Variants in CSGALNACT1 observed in about 807,000 individuals in gnomAD.
CSGALNACT1 encodes chondroitin sulfate N-acetylgalactosaminyltransferase 1.
A neutral mutation model predicts 51.0 loss-of-function variants in CSGALNACT1; 52 were observed. The observed-to-expected ratio is 1.02, with a 90% CI of 0.82 to 1.29. CSGALNACT1 has a LOEUF of 1.29. CSGALNACT1 is among the 50% of genes most tolerant of loss of function. CSGALNACT1 has a pLI of 0.00. For synonymous variants in CSGALNACT1, 341 were observed against 254.4 expected (o/e 1.34, Z -3.24); for missense variants, 935 against 679.2 (o/e 1.38, Z -4.19).
intron 3 of CSGALNACT1, among the ~76,000 whole-genome samples, chr8:19,519,980 C>T (rs1272448885): frequency 6.6e-6 from 1 of 152,222 alleles, no homozygotes; most frequent in Non-Finnish European, 1.5e-5. Context: ...CCCACTGTGG[C>T]AATGCCGGCA....
chr8:19,662,755 G>A (rs909055725), intron 1 of CSGALNACT1, among the ~76,000 whole-genome samples: 1 of 152,144 alleles, frequency 6.6e-6, no homozygotes, highest in Non-Finnish European at 1.5e-5. Flanking sequence ...CACTGGTAAT[G>A]CTCACCTTTG....
intron 4 of CSGALNACT1, among the ~76,000 whole-genome samples, chr8:19,470,977 T>C (rs958322017): frequency 6.6e-6 from 1 of 152,060 alleles, no homozygotes; most frequent in Admixed American, 6.6e-5. Flanking sequence ...GTACCCATCA[T>C]CCCAGCTACT....
In CSGALNACT1 at chr8:19,641,632, G is replaced by A. The variant is rs374067726; in HGVS notation, c.-543-39767C>T. ...AAATGTATGAAACATATTGAAATAC[G>A]AGGGTGAAAACAAAGAAAGAAACAA... On this transcript the variant is annotated intron_variant, in intron 1 of 9. Coordinates refer to the CSGALNACT1 transcript ENST00000332246. 5.3e-5 allele frequency among the ~76,000 whole-genome samples: 8 copies of A among 152,034 alleles called. No individual in the cohort carries two copies. In the East Asian group the frequency reaches 7.7e-4, roughly 15 times the overall value.
At chr8:19,624,146 C>A (rs2154164703) in intron 1 of CSGALNACT1, among the ~76,000 whole-genome samples, 1 of 152,258 alleles carries the variant, frequency 6.6e-6, no homozygotes, top group Middle Eastern at 3.4e-3. Context: ...CTATTTGGAC[C>A]ACCTCTTCAA....
intron 4 of CSGALNACT1, among the ~76,000 whole-genome samples, chr8:19,493,802 T>C (rs1016403279): frequency 1.6e-4 from 24 of 152,138 alleles, no homozygotes; most frequent in African/African-American, 5.8e-4. Flanking sequence ...ACCATGAATA[T>C]TCACATAGGA....
At chr8:19,694,569 A>C (rs150470690) in intron 1 of CSGALNACT1, among the ~76,000 whole-genome samples, 1 of 152,368 alleles carries the variant, frequency 6.6e-6, no homozygotes, top group African/African-American at 2.4e-5. Flanking sequence ...GCCTACACAC[A>C]CTATATTTAT....
chr8:19,457,795 T>C lies in CSGALNACT1; in HGVS notation c.851+631A>G, dbSNP rs187934512. On this transcript the variant is annotated intron_variant, in intron 5 of 9. Transcript: ENST00000454498. ...ACAATCAAGGGCTTAAAGGCACACA[T>C]CTAAAAACTTCATCAGCAGGCCTGA... 1.2e-5 allele frequency: 16 copies of C among 1,351,484 alleles called. No individual in the cohort carries two copies. In the East Asian group the frequency reaches 6.8e-4, roughly 58 times the overall value. 83.7% of individuals were successfully genotyped at this position (1,351,484 alleles called of 1,614,324 possible). A position where few individuals can be genotyped will look rare whatever the true frequency, so the allele number is the denominator to read the frequency against.
intron 3 of CSGALNACT1, among the ~76,000 whole-genome samples, chr8:19,509,480 A>T (rs2078029846): frequency 6.6e-6 from 1 of 151,966 alleles, no homozygotes; most frequent in South Asian, 2.1e-4. Flanking sequence ...TTAGTCAGGT[A>T]TCGTGGTGCG....
rs1411728764 is a variant in CSGALNACT1 at position 19,757,904 on chromosome 8, T to C, written c.-351A>G. 3 of 152,634 alleles carry C rather than the reference T, an allele frequency of 2.0e-5. No homozygotes were observed. The highest frequency in any genetic ancestry group is 7.2e-5 in the African/African-American group (3 of 41,562). 9.5% of individuals were successfully genotyped at this position (152,634 alleles called of 1,614,324 possible). On this transcript the variant is annotated 5_prime_UTR_variant, in exon 1 of 2. Transcript: ENST00000517494. The surrounding 1 kb of genome is among the most constrained non-coding windows in gnomAD (Gnocchi z 4.0). ...ACACCGCACCACTGTGGGTAAGCGA[T>C]GTCTGCAGGGACCCCTGACGGCCAC...
At chr8:19,556,371 C>G (rs1162888818) in intron 3 of CSGALNACT1, among the ~76,000 whole-genome samples, 2 of 141,872 alleles carry the variant, frequency 1.4e-5, no homozygotes, top group Non-Finnish European at 3.0e-5. Flanking sequence ...GAGTGAAACT[C>G]CATCTCTCAA....
At chr8:19,485,139 A>G (rs938925623) in intron 4 of CSGALNACT1, among the ~76,000 whole-genome samples, 26 of 152,272 alleles carry the variant, frequency 1.7e-4, no homozygotes, top group Non-Finnish European at 3.1e-4. Flanking sequence ...CACAGCATCT[A>G]CTTGCCCAGA....
exon 9 of CSGALNACT1, chr8:19,408,622 T>C: frequency 6.2e-7 from 1 of 1,613,942 alleles, no homozygotes; most frequent in African/African-American, 1.3e-5. Context: ...CCTATATTGA[T>C]GAAGTCTGAC....
intron 3 of CSGALNACT1, among the ~76,000 whole-genome samples, chr8:19,529,563 A>T (rs2082336351): frequency 6.6e-6 from 1 of 152,198 alleles, no homozygotes; most frequent in South Asian, 2.1e-4. Context: ...AATAAATATC[A>T]GGAATAGTTA....
intron 3 of CSGALNACT1, among the ~76,000 whole-genome samples, chr8:19,568,855 G>A (rs570386036): frequency 6.6e-6 from 1 of 152,216 alleles, no homozygotes; most frequent in African/African-American, 2.4e-5. Flanking sequence ...TTTATATGGG[G>A]ATATTTATCA....
chr8:19,434,569 T>C (rs1405869960), intron 6 of CSGALNACT1, among the ~76,000 whole-genome samples: 2 of 152,200 alleles, frequency 1.3e-5, no homozygotes, highest in East Asian at 3.8e-4. Context: ...TCATAATTTA[T>C]ATAGCATATT....
chr8:19,614,379 A>C (rs74749256), intron 1 of CSGALNACT1, among the ~76,000 whole-genome samples: 2,437 of 152,306 alleles, frequency 0.016, 27 homozygotes, highest in Non-Finnish European at 0.025. Flanking sequence ...ATCCTGCCTC[A>C]TAACACAATG....
intron 1 of CSGALNACT1, among the ~76,000 whole-genome samples, chr8:19,634,874 C>T (rs886218626): frequency 2.0e-5 from 3 of 152,022 alleles, no homozygotes; most frequent in Non-Finnish European, 2.9e-5. Flanking sequence ...TGATGGAAGC[C>T]CAAGCTAAGA....
At chr8:19,674,297 A>G (rs1219279818) in intron 1 of CSGALNACT1, among the ~76,000 whole-genome samples, 4 of 152,170 alleles carry the variant, frequency 2.6e-5, no homozygotes, top group Admixed American at 1.3e-4. Context: ...TGTCTCAAAA[A>G]AAAAAATTTT....
At position 19,757,725 on chromosome 8, in the gene CSGALNACT1, TC is replaced by T; in HGVS notation, c.-297+124del. The T allele has an allele frequency of 6.5e-6, 1 of 152,702 alleles. No homozygotes were observed. The highest frequency in any genetic ancestry group is 1.9e-4 in the East Asian group (1 of 5,164). The allele number at this position is 152,702 out of a possible 1,614,324, so 9.5% of individuals were successfully genotyped here. A position where few individuals can be genotyped will look rare whatever the true frequency, so the allele number is the denominator to read the frequency against. On this transcript the variant is annotated intron_variant, in intron 1 of 1. Coordinates refer to the CSGALNACT1 transcript ENST00000517494. The surrounding 1 kb of genome is among the most constrained non-coding windows in gnomAD (Gnocchi z 4.0). ...ACCCGCTCTGTTCCCTTGGCTGCCCTCCCCGCCGAGCGCCGACTTCCATGCA... is the reference window on the plus strand; with the variant it reads ...ACCCGCTCTGTTCCCTTGGCTGCCCTCCCGCCGAGCGCCGACTTCCATGCA...
Sources: gnomAD v4.1 joint callset for allele counts (sites outside exome capture counted in the v4.1 genomes callset) on GRCh38, gnomAD v4.1.1 for gene constraint, Gnocchi (gnomAD v3.1) non-coding constraint, MANE v1.5 for transcripts, NCBI Gene and HGNC (gene_info 2026-07-23, HGNC 2026-07-21) for gene names.